Variants in SEMA4D observed in about 807,000 individuals in gnomAD.
SEMA4D encodes semaphorin 4D, also known as semaphorin-4D.
Under a neutral mutation model 74.8 loss-of-function variants are expected in SEMA4D, and 22 were observed. The ratio of observed to expected loss-of-function variants is 0.29; its 90% confidence interval spans 0.21 to 0.42. The LOEUF (loss-of-function observed/expected upper bound fraction) is 0.42. Among genes scored for constraint, SEMA4D ranks in the 10% least tolerant of loss-of-function variants. SEMA4D has a pLI of 1.00. For synonymous variants in SEMA4D, 445 were observed against 463.7 expected, an observed-to-expected ratio of 0.96 and a Z score of 0.52; for missense variants, 937 against 1,118.4, an observed-to-expected ratio of 0.84 and a Z score of 2.31.
rs528109517 is a variant in SEMA4D at position 89,378,703 on chromosome 9, C to T, written c.*1G>A. ...GCACCAGCGGGGATGCACAGCCGGC[C>T]TCAGTCTCCATCTGCGTCTGAGTCA... On this transcript the variant is annotated 3_prime_UTR_variant, in exon 16 of 16. Coordinates refer to ENST00000422704, the MANE Select transcript of SEMA4D (RefSeq NM_001371194.2). 1.2e-6 allele frequency: 2 copies of T among 1,612,168 alleles called. No homozygotes were observed. The highest frequency in any genetic ancestry group is 1.7e-5 in the Admixed American group (1 of 60,014).
intron 1 of SEMA4D, among the ~76,000 whole-genome samples, chr9:89,473,636 C>G (rs1041550447): frequency 6.6e-6 from 1 of 152,122 alleles, no homozygotes; most frequent in Admixed American, 6.5e-5. Context: ...GCAGGTGGAT[C>G]ACCTGAGGTC....
chr9:89,464,980 C>G (rs749350626), intron 1 of SEMA4D, among the ~76,000 whole-genome samples: 1 of 152,210 alleles, frequency 6.6e-6, no homozygotes, highest in Non-Finnish European at 1.5e-5. Context: ...ACCATGTCCT[C>G]TCTATAGCTA....
At chr9:89,459,910 GCAACAATGT>G (rs1856828376) in intron 1 of SEMA4D, among the ~76,000 whole-genome samples, 1 of 152,196 alleles carries the variant, frequency 6.6e-6, no homozygotes, top group Non-Finnish European at 1.5e-5. Context: ...GGTGACAACT[GCAACAATGT>G]CAAGTGCTCC....
At chr9:89,426,837 T>C (rs1197702951) in intron 2 of SEMA4D, among the ~76,000 whole-genome samples, 4 of 152,138 alleles carry the variant, frequency 2.6e-5, no homozygotes, top group African/African-American at 4.8e-5. Flanking sequence ...CCATCAACAG[T>C]AGACCAAGTG....
chr9:89,389,677 G>A (rs538333112), intron 9 of SEMA4D, among the ~76,000 whole-genome samples: 1 of 152,340 alleles, frequency 6.6e-6, no homozygotes, highest in South Asian at 2.1e-4. Flanking sequence ...GGTCTGGAGA[G>A]AAATACTGAA....
intron 1 of SEMA4D, among the ~76,000 whole-genome samples, chr9:89,473,688 C>T (rs1445607668): frequency 1.3e-5 from 2 of 151,846 alleles, no homozygotes; most frequent in African/African-American, 4.8e-5. Context: ...GAAACCGTCT[C>T]TACTAAAAAT....
intron 13 of SEMA4D, chr9:89,385,688 C>T (rs574085989): frequency 3.7e-6 from 2 of 537,184 alleles, no homozygotes; most frequent in South Asian, 1.6e-4. Context: ...GGGGTGTTTG[C>T]AAATACGCAC....
chr9:89,382,893 G>A (rs1461137983), intron 13 of SEMA4D, among the ~76,000 whole-genome samples: 1 of 152,230 alleles, frequency 6.6e-6, no homozygotes, highest in Non-Finnish European at 1.5e-5. Context: ...TGTGGAGGGT[G>A]GGGTGGGCTC....
At chr9:89,387,758 T>C (rs987573347) in intron 11 of SEMA4D, 150 bp from the exon 12 acceptor site, 2 of 660,518 alleles carry the variant, frequency 3.0e-6, no homozygotes, top group Non-Finnish European at 5.3e-6. Context: ...ATAACTTTAC[T>C]ATGAGGAAAG....
At chr9:89,420,519 G>A (rs888273330) in intron 2 of SEMA4D, among the ~76,000 whole-genome samples, 1 of 152,226 alleles carries the variant, frequency 6.6e-6, no homozygotes, top group Non-Finnish European at 1.5e-5. Context: ...TAGTGCAGGA[G>A]AGTGTGGGGC....
At chr9:89,388,416 C>T (rs185921290) in intron 11 of SEMA4D, among the ~76,000 whole-genome samples, 340 of 152,346 alleles carry the variant, frequency 2.2e-3, no homozygotes, top group African/African-American at 7.7e-3. Flanking sequence ...AAAACAGCTG[C>T]CCCAGCCTTC....
intron 1 of SEMA4D, among the ~76,000 whole-genome samples, chr9:89,462,953 G>GC (rs1564881756): frequency 4.0e-5 from 4 of 100,786 alleles, no homozygotes; most frequent in South Asian, 4.1e-4. Context: ...AAAGAAAGGA[G>GC]GGGGGAGCGA....
At chr9:89,397,138 C>T (rs949094361) in intron 5 of SEMA4D, among the ~76,000 whole-genome samples, 2 of 152,210 alleles carry the variant, frequency 1.3e-5, no homozygotes, top group African/African-American at 2.4e-5. Flanking sequence ...TCTGCAGTGT[C>T]CACATGCTGT....
At chr9:89,485,788 C>CAAAAAAAAAAAAAAAAAAAAA (rs56056536) in intron 1 of SEMA4D, among the ~76,000 whole-genome samples, 3 of 76,840 alleles carry the variant, frequency 3.9e-5, no homozygotes, top group African/African-American at 4.9e-5. Flanking sequence ...AACTCCATCT[C>CAAAAAAAAAAAAAAAAAAAAA]AAAAAAAAAA....
rs1290463542 is a variant in SEMA4D, at chr9:89,378,718, C to T, written c.2575G>A (p.Ala859Thr). Residue 859 changes from alanine (A) to threonine (T), a missense_variant, in exon 16 of 16, where the codon GCA (alanine) becomes ACA (threonine). Transcript: ENST00000422704. The stretch of plus-strand genomic sequence containing the variant: ...CACAGCCGGCCTCAGTCTCCATCTG[C>T]GTCTGAGTCAGCGAACTTCAGCTCA... ...KCELKFADSD[A>T]DGD 7 of 1,613,308 alleles carry T rather than the reference C, an allele frequency of 4.3e-6. No homozygotes were observed. Among genetic ancestry groups the T allele is most frequent in the East Asian group, 2.2e-5 (1 of 44,888 alleles).
intron 5 of SEMA4D, among the ~76,000 whole-genome samples, chr9:89,398,560 C>T (rs1309307935): frequency 2.0e-5 from 3 of 152,238 alleles, no homozygotes; most frequent in Non-Finnish European, 2.9e-5. Context: ...CATACTGGCC[C>T]TTTGCCCTCA....
At chr9:89,392,333 C>T in intron 8 of SEMA4D, 90 bp downstream of exon 8, 1 of 1,069,816 alleles carries the variant, frequency 9.3e-7, no homozygotes, top group South Asian at 1.4e-5. Context: ...CGGGGGCCCC[C>T]AGGGCTCAGA....
At chr9:89,471,516 A>G (rs1026986264) in intron 1 of SEMA4D, among the ~76,000 whole-genome samples, 2 of 152,188 alleles carry the variant, frequency 1.3e-5, no homozygotes, top group Non-Finnish European at 1.5e-5. Flanking sequence ...ATCACTGTCA[A>G]CAGCTTGCTG....
Position 89,381,537 on chromosome 9 carries a change from T to A in SEMA4D, c.1447-191A>T. On this transcript the variant is annotated intron_variant, in intron 13 of 15. Coordinates refer to ENST00000422704, the MANE Select transcript of SEMA4D (RefSeq NM_001371194.2). The surrounding 1 kb of genome is among the most constrained non-coding windows in gnomAD (Gnocchi z 4.6). ...TGACCTTCCTGCAGAATCCACGTGC[T>A]ATGTCAGGGCTCACTGGGCCTTAGG... 1 of 504,036 alleles carries A rather than the reference T, an allele frequency of 2.0e-6. No individual in the cohort carries two copies. The highest frequency in any genetic ancestry group is 3.4e-6 in the Non-Finnish European group (1 of 294,634). 31.2% of individuals were successfully genotyped at this position (504,036 alleles called of 1,614,324 possible). A position where few individuals can be genotyped will look rare whatever the true frequency, so the allele number is the denominator to read the frequency against.
Sources: gnomAD v4.1 joint callset for allele counts (sites outside exome capture counted in the v4.1 genomes callset) on GRCh38, gnomAD v4.1.1 for gene constraint, Gnocchi (gnomAD v3.1) non-coding constraint, MANE v1.5 for transcripts, NCBI Gene and HGNC (gene_info 2026-07-23, HGNC 2026-07-21) for gene names.